Variants in MECOM observed in about 807,000 individuals in gnomAD.
MECOM encodes the protein histone-lysine N-methyltransferase MECOM.
A neutral mutation model predicts 116.3 loss-of-function variants in MECOM; 13 were observed. That is an observed-to-expected ratio of 0.11 (90% CI 0.07 to 0.18). MECOM has a LOEUF of 0.18. Ranked by LOEUF, MECOM falls within the 10% of genes least tolerant of loss-of-function variation. The probability of loss-of-function intolerance (pLI) is 1.00; values close to 1 mark genes in which losing one functional copy is unlikely to be tolerated. For synonymous variants in MECOM, 528 were observed against 535.2 expected (o/e 0.99, Z 0.19); for missense variants, 1,299 against 1,509.0 (o/e 0.86, Z 2.31).
At chr3:169,615,721 T>C (rs1044933045) in intron 1 of MECOM, among the ~76,000 whole-genome samples, 2 of 152,244 alleles carry the variant, frequency 1.3e-5, no homozygotes, top group Non-Finnish European at 2.9e-5. Context: ...GTTTTCATTT[T>C]GTTTTGTTTT....
chr3:169,661,979 G>A (rs763851013), intron 1 of MECOM, among the ~76,000 whole-genome samples: 56 of 152,340 alleles, frequency 3.7e-4, no homozygotes, highest in Non-Finnish European at 5.9e-4. Flanking sequence ...CCTCAAGGAA[G>A]AGCGCTCCCA....
intron 1 of MECOM, among the ~76,000 whole-genome samples, chr3:169,506,043 A>T (rs2109001584): frequency 6.6e-6 from 1 of 152,344 alleles, no homozygotes; most frequent in African/African-American, 2.4e-5. Context: ...ATATAATTGG[A>T]ATGAAAGGCA....
chr3:169,591,781 G>C (rs952047968), intron 1 of MECOM, among the ~76,000 whole-genome samples: 1 of 152,080 alleles, frequency 6.6e-6, no homozygotes, highest in African/African-American at 2.4e-5. Flanking sequence ...AGAACCACAG[G>C]TCAAATAGCA....
At chr3:169,210,181 G>A (rs545557470) in intron 2 of MECOM, among the ~76,000 whole-genome samples, 2 of 152,000 alleles carry the variant, frequency 1.3e-5, no homozygotes, top group South Asian at 4.2e-4. Flanking sequence ...GGGGCCAGTC[G>A]GGAGTGGGGG....
At chr3:169,203,359 T>C (rs989248857) in intron 2 of MECOM, among the ~76,000 whole-genome samples, 2 of 152,120 alleles carry the variant, frequency 1.3e-5, no homozygotes, top group African/African-American at 4.8e-5. Flanking sequence ...AATAGCTGGA[T>C]TGGAGTCTAA....
chr3:169,145,189 C>CACAG (rs1341161970), intron 2 of MECOM: 11 of 103,068 alleles, frequency 1.1e-4, no homozygotes, highest in African/African-American at 1.6e-4. Flanking sequence ...CACACACACA[C>CACAG]AGAGAGAAAT....
chr3:169,505,896 T>G (rs1755164891), intron 1 of MECOM, among the ~76,000 whole-genome samples: 1 of 152,166 alleles, frequency 6.6e-6, no homozygotes, highest in Admixed American at 6.5e-5. Context: ...TCTCACTGCC[T>G]CCTTTAAGGC....
chr3:169,381,985 C>CACACA (rs1390822282), intron 1 of MECOM, among the ~76,000 whole-genome samples: 41 of 152,230 alleles, frequency 2.7e-4, no homozygotes, highest in Non-Finnish European at 4.3e-4. Context: ...CCAAAGGCTG[C>CACACA]CATGTGCCAC....
intron 2 of MECOM, among the ~76,000 whole-genome samples, chr3:169,237,025 C>A (rs1418182251): frequency 6.6e-6 from 1 of 152,168 alleles, no homozygotes; most frequent in Admixed American, 6.5e-5. Flanking sequence ...TCTGAAATCT[C>A]ATACATGTAA....
intron 1 of MECOM, among the ~76,000 whole-genome samples, chr3:169,389,780 T>C (rs1333117597): frequency 6.6e-6 from 1 of 152,236 alleles, no homozygotes. Context: ...AGGCATTTCC[T>C]GTTGCACACA....
rs959112910 is a variant in MECOM, at chr3:169,433,932, G to T, written c.38-52408C>A. 5.3e-5 allele frequency among the ~76,000 whole-genome samples: 8 copies of T among 152,212 alleles called. No homozygotes were observed. In the East Asian group the frequency reaches 1.4e-3, roughly 26 times the overall value. On this transcript the variant is annotated intron_variant, in intron 1 of 16. Transcript: ENST00000651503. ...TCCTACTTCCAAGTTTAACGTTGGA[G>T]AGCTGTTATCTGAATTCATCTGGGA...
intron 2 of MECOM, among the ~76,000 whole-genome samples, chr3:169,212,570 G>A (rs1750866060): frequency 7.0e-6 from 1 of 143,210 alleles, no homozygotes; most frequent in Non-Finnish European, 1.5e-5. Context: ...CTGTAACAAT[G>A]TTAAATCTAT....
chr3:169,184,362 A>G (rs779053415), intron 2 of MECOM, among the ~76,000 whole-genome samples: 2 of 152,164 alleles, frequency 1.3e-5, no homozygotes, highest in Non-Finnish European at 2.9e-5. Context: ...AAGGAGCACA[A>G]TGCTTTCAGG....
intron 1 of MECOM, among the ~76,000 whole-genome samples, chr3:169,617,890 C>T (rs1387564533): frequency 1.3e-5 from 2 of 152,184 alleles, no homozygotes; most frequent in Admixed American, 1.3e-4. Flanking sequence ...AGCCCTGGGA[C>T]ACTTCTTAGA....
At chr3:169,222,478 A>G (rs1752244384) in intron 2 of MECOM, among the ~76,000 whole-genome samples, 1 of 152,150 alleles carries the variant, frequency 6.6e-6, no homozygotes, top group African/African-American at 2.4e-5. Flanking sequence ...TTAGATTTAC[A>G]GTGTCATTAA....
rs373908611 is a variant in MECOM, at chr3:169,338,354, G to A, written c.375+42833C>T. Among the ~76,000 whole-genome samples the A allele has an allele frequency of 2.4e-4, 36 of 152,204 alleles. No individual in the cohort carries two copies. In the South Asian group the frequency reaches 5.4e-3, roughly 23 times the overall value. On this transcript the variant is annotated intron_variant, in intron 2 of 16. Coordinates refer to ENST00000651503, the MANE Select transcript of MECOM (RefSeq NM_004991.4). ...AGTGTAATAATTATCACCCTGTATC[G>A]TAACTGCCTGTTTGCTTGTAGGTCT...
chr3:169,238,992 C>A (rs1270711361), intron 2 of MECOM, among the ~76,000 whole-genome samples: 1 of 151,908 alleles, frequency 6.6e-6, no homozygotes, highest in Non-Finnish European at 1.5e-5. Flanking sequence ...TAATGAGAAT[C>A]GATAATAATA....
At chr3:169,241,233 A>G (rs1340723231) in intron 2 of MECOM, among the ~76,000 whole-genome samples, 1 of 152,004 alleles carries the variant, frequency 6.6e-6, no homozygotes, top group Non-Finnish European at 1.5e-5. Flanking sequence ...AGAAGGGGAG[A>G]ACGTAAATTT....
At chr3:169,154,710 C>T (rs1050809860) in intron 2 of MECOM, among the ~76,000 whole-genome samples, 17 of 152,064 alleles carry the variant, frequency 1.1e-4, no homozygotes, top group Non-Finnish European at 1.8e-4. Context: ...GTAGGTAAAT[C>T]ACTTAGAATC....
Sources: gnomAD v4.1 joint callset for allele counts (sites outside exome capture counted in the v4.1 genomes callset) on GRCh38, gnomAD v4.1.1 for gene constraint, MANE v1.5 for transcripts, NCBI Gene and HGNC (gene_info 2026-07-23, HGNC 2026-07-21) for gene names.